IQGAP2: variants seen among roughly 807,000 people sequenced by gnomAD.
IQGAP2 encodes the protein ras GTPase-activating-like protein IQGAP2.
Under a neutral mutation model 201.3 loss-of-function variants are expected in IQGAP2, and 173 were observed. That is an observed-to-expected ratio of 0.86 (90% CI 0.76 to 0.98). IQGAP2 has a LOEUF of 0.98. Among genes scored for constraint, IQGAP2 ranks in the 50% least tolerant of loss-of-function variants. The pLI is 0.00. For missense variants in IQGAP2, 1,687 were observed against 1,864.8 expected, an observed-to-expected ratio of 0.90 and a Z score of 1.76; for synonymous variants, 675 against 673.9, an observed-to-expected ratio of 1.00 and a Z score of -0.03.
rs200638195 is a variant in IQGAP2, at chr5:76,471,372, A to AAAAAC, written c.146+9707_146+9708insCAAAA. ...TCTGAAAATAAACTAAGCAAAAAAA[A>AAAAAC]AAAAAAAAAAAAAACACCCTTCCCT... On this transcript the variant is annotated intron_variant, in intron 2 of 35. Transcript: ENST00000274364. 1.3e-4 allele frequency among the ~76,000 whole-genome samples: 15 copies of AAAAAC among 117,242 alleles called. No homozygotes were observed. In the South Asian group the frequency reaches 1.8e-3, roughly 14 times the overall value. The allele number at this position is 117,242 out of a possible 152,430, so 76.9% of individuals were successfully genotyped here. A position where few individuals can be genotyped will look rare whatever the true frequency, so the allele number is the denominator to read the frequency against.
At chr5:76,545,390 G>A (rs1169798377) in intron 2 of IQGAP2, among the ~76,000 whole-genome samples, 2 of 152,148 alleles carry the variant, frequency 1.3e-5, no homozygotes, top group African/African-American at 4.8e-5. Context: ...AGGTTAAGCC[G>A]ACACACCCTT....
intron 4 of IQGAP2, among the ~76,000 whole-genome samples, chr5:76,574,197 T>C (rs1745314648): frequency 6.6e-6 from 1 of 152,190 alleles, no homozygotes; most frequent in South Asian, 2.1e-4. Flanking sequence ...GTCTAAATGA[T>C]TATCTTAATT....
chr5:76,549,477 C>T (rs1743304246), intron 2 of IQGAP2, among the ~76,000 whole-genome samples: 1 of 151,682 alleles, frequency 6.6e-6, no homozygotes, highest in African/African-American at 2.4e-5. Context: ...GTAATAAATG[C>T]AGTGAAGAGA....
At chr5:76,627,040 C>A (rs1750308959) in intron 13 of IQGAP2, among the ~76,000 whole-genome samples, 1 of 152,114 alleles carries the variant, frequency 6.6e-6, no homozygotes, top group South Asian at 2.1e-4. Flanking sequence ...CGGGGGAAGC[C>A]TTTGGGGAAG....
Position 76,665,097 on chromosome 5 carries a change from C to T in IQGAP2, c.2601C>T (p.Asp867=). ...GGEMEILNNT[D]NQGIKSLSKE... ...AAATGGAAATACTGAATAACACCGA[C>T]AACCAAGGAATAAAAAGTTTGAGTA... The change falls in exon 22 of 36, where the codon GAC becomes GAT. Residue 867 remains aspartate (D), a synonymous_variant. Coordinates refer to ENST00000274364, the MANE Select transcript of IQGAP2 (RefSeq NM_006633.5). 1 of 1,606,822 alleles carries T rather than the reference C, an allele frequency of 6.2e-7. No homozygotes were observed. The highest frequency in any genetic ancestry group is 2.2e-5 in the East Asian group (1 of 44,790).
intron 4 of IQGAP2, among the ~76,000 whole-genome samples, chr5:76,574,306 C>T (rs910363930): frequency 5.9e-5 from 9 of 151,982 alleles, no homozygotes; most frequent in East Asian, 1.9e-4. Flanking sequence ...TTTGTTTGTT[C>T]GTTTGTTTTG....
At chr5:76,647,780 C>A (rs1235448478) in intron 17 of IQGAP2, among the ~76,000 whole-genome samples, 1 of 151,782 alleles carries the variant, frequency 6.6e-6, no homozygotes, top group South Asian at 2.1e-4. Context: ...GCTAGCAAGA[C>A]AGAAATAATT....
At chr5:76,657,849 G>A (rs529414589) in intron 20 of IQGAP2, among the ~76,000 whole-genome samples, 1 of 152,298 alleles carries the variant, frequency 6.6e-6, no homozygotes, top group Non-Finnish European at 1.5e-5. Context: ...CTTGGCCGGT[G>A]CTCAAAGGAC....
chr5:76,676,896 C>T (rs1380938898), intron 27 of IQGAP2, among the ~76,000 whole-genome samples: 1 of 152,148 alleles, frequency 6.6e-6, no homozygotes, highest in Non-Finnish European at 1.5e-5. Context: ...TCATTTTTGA[C>T]TTTTTAAGTT....
chr5:76,428,934 A>G (rs969931817), intron 1 of IQGAP2, among the ~76,000 whole-genome samples: 27 of 152,058 alleles, frequency 1.8e-4, no homozygotes, highest in Non-Finnish European at 2.9e-4. Context: ...CTCTGCTAAA[A>G]ATACATAAAT....
intron 28 of IQGAP2, among the ~76,000 whole-genome samples, chr5:76,680,145 G>C (rs1394876263): frequency 6.6e-6 from 1 of 152,184 alleles, no homozygotes; most frequent in African/African-American, 2.4e-5. Context: ...CATAAGGTTA[G>C]ACATAAAGAC....
intron 1 of IQGAP2, among the ~76,000 whole-genome samples, chr5:76,435,123 G>C (rs989892775): frequency 6.6e-6 from 1 of 151,330 alleles, no homozygotes; most frequent in African/African-American, 2.4e-5. Context: ...TGTATGCATA[G>C]TTTGCAAATA....
At chr5:76,597,247 A>T in intron 9 of IQGAP2, 192 bp from the exon 10 acceptor site, 1 of 597,042 alleles carries the variant, frequency 1.7e-6, no homozygotes, top group Non-Finnish European at 3.0e-6. Context: ...TGTAGGCACT[A>T]ATTCCAAAGA....
At chr5:76,478,485 T>C (rs925960994) in intron 2 of IQGAP2, among the ~76,000 whole-genome samples, 2 of 152,122 alleles carry the variant, frequency 1.3e-5, no homozygotes, top group Non-Finnish European at 2.9e-5. Flanking sequence ...GGCTTCACAT[T>C]CACTATCCTA....
intron 4 of IQGAP2, among the ~76,000 whole-genome samples, chr5:76,574,266 C>A (rs1164169319): frequency 2.0e-5 from 3 of 152,034 alleles, no homozygotes; most frequent in Non-Finnish European, 4.4e-5. Context: ...AAGTTTGGTG[C>A]CTCACTCTGA....
intron 12 of IQGAP2, chr5:76,609,220 G>A: frequency 1.3e-6 from 2 of 1,535,898 alleles, no homozygotes; most frequent in South Asian, 1.2e-5. Context: ...TTTGGATGGG[G>A]TGTTTTAAAG....
intron 3 of IQGAP2, among the ~76,000 whole-genome samples, chr5:76,566,233 A>G (rs1744741093): frequency 6.6e-6 from 1 of 152,050 alleles, no homozygotes; most frequent in Non-Finnish European, 1.5e-5. Flanking sequence ...TATAGCTGTG[A>G]ATTGTGATAA....
At chr5:76,430,538 G>A (rs888405461) in intron 1 of IQGAP2, among the ~76,000 whole-genome samples, 19 of 152,196 alleles carry the variant, frequency 1.2e-4, no homozygotes, top group Non-Finnish European at 1.0e-4. Context: ...CCACGTGGAA[G>A]CTGCATGGAT....
chr5:76,451,524 T>C (rs1020982999), intron 1 of IQGAP2, among the ~76,000 whole-genome samples: 3 of 152,226 alleles, frequency 2.0e-5, no homozygotes, highest in Non-Finnish European at 4.4e-5. Context: ...GCATTAGTCA[T>C]CTTCTGATCA....
Sources: gnomAD v4.1 joint callset for allele counts (sites outside exome capture counted in the v4.1 genomes callset) on GRCh38, gnomAD v4.1.1 for gene constraint, MANE v1.5 for transcripts, NCBI Gene and HGNC (gene_info 2026-07-23, HGNC 2026-07-21) for gene names.